ZNF507: variants seen among roughly 807,000 people sequenced by gnomAD.
ZNF507 encodes the protein zinc finger protein 507.
A neutral mutation model predicts 80.0 loss-of-function variants in ZNF507; 29 were observed. The observed-to-expected ratio is 0.36, with a 90% confidence interval of 0.27 to 0.49. The LOEUF is 0.49. ZNF507 is among the 20% of genes least tolerant of loss of function. ZNF507 has a pLI of 0.98. For missense variants in ZNF507, 1,081 were observed against 1,152.2 expected (o/e 0.94, Z 0.90); for synonymous variants, 462 against 422.5 (o/e 1.09, Z -1.15).
At chr19:32,360,653 A>G in intron 5 of ZNF507, 35 bp downstream of exon 5, 1 of 1,189,426 alleles carries the variant, frequency 8.4e-7, no homozygotes, top group Non-Finnish European at 1.2e-6. Context: ...TAATGTTTGT[A>G]TTAAAATATT....
intron 1 of ZNF507, among the ~76,000 whole-genome samples, 166 bp from the exon 2 acceptor site, chr19:32,347,079 A>C (rs1967106519): frequency 6.6e-6 from 1 of 152,176 alleles, no homozygotes; most frequent in Non-Finnish European, 1.5e-5. Context: ...TTGTTAGATA[A>C]ATTATTTAAA....
At chr19:32,348,272 G>A (rs1967120542) in intron 2 of ZNF507, among the ~76,000 whole-genome samples, 1 of 150,580 alleles carries the variant, frequency 6.6e-6, no homozygotes, top group Admixed American at 6.7e-5. Flanking sequence ...GGAAGAATGG[G>A]GAATTTATTG....
intron 2 of ZNF507, among the ~76,000 whole-genome samples, chr19:32,349,031 CAT>C (rs1211246518): frequency 2.8e-4 from 42 of 152,172 alleles, no homozygotes; most frequent in African/African-American, 9.7e-4. Flanking sequence ...CAAACCACAG[CAT>C]AATGCAGTTA....
Position 32,360,500 on chromosome 19 carries a change from C to A in ZNF507, c.2246-4C>A. ...CTACTAAAACTCTGAAATACCTTGTCTAGGGAATAAGTCTTCAGTCCAGAA... is the reference window on the plus strand; with the variant it reads ...CTACTAAAACTCTGAAATACCTTGTATAGGGAATAAGTCTTCAGTCCAGAA... On this transcript the variant is annotated splice_region_variant and splice_polypyrimidine_tract_variant and intron_variant, in intron 4 of 6. Transcript: ENST00000355898. The A allele has an allele frequency of 1.3e-6, 2 of 1,526,346 alleles. No homozygotes were observed. The highest frequency in any genetic ancestry group is 1.3e-5 in the South Asian group (1 of 77,764). The allele number at this position is 1,526,346 out of a possible 1,614,324, so 94.6% of individuals were successfully genotyped here.
At chr19:32,360,128 G>A (rs756849777) in intron 4 of ZNF507, among the ~76,000 whole-genome samples, 1 of 152,200 alleles carries the variant, frequency 6.6e-6, no homozygotes. Context: ...CAGTGTTTCT[G>A]TAAGACAGTA....
In ZNF507 at chr19:32,354,216, GA is replaced by G. The variant is rs747153604; in HGVS notation, c.1392del (p.Asp465ThrfsTer3). On this transcript the variant is annotated frameshift_variant, in exon 3 of 7. Coordinates refer to ENST00000355898, the MANE Select transcript of ZNF507 (RefSeq NM_001136156.2). LOFTEE classifies it high-confidence loss of function. ...TGATCATAGGCTGGAGCAGTTCAGA[GA>G]AAAAAGACGAGTTAATGAATAAAGG... Reference protein sequence around the residue: ...GLIIGWSSSEKKDELMNKGLA... With the variant: ...GLIIGWSSSEXKDELMNKGLA... The G allele has an allele frequency of 4.0e-5, 65 of 1,613,644 alleles. No individual in the cohort carries two copies. The highest frequency in any genetic ancestry group is 1.7e-6 in the Non-Finnish European group (2 of 1,180,010).
intron 5 of ZNF507, among the ~76,000 whole-genome samples, chr19:32,374,000 TAGTA>T: frequency 6.6e-6 from 1 of 152,326 alleles, no homozygotes; most frequent in African/African-American, 2.4e-5. Flanking sequence ...TCTGTTTACA[TAGTA>T]GACTGAAGAG....
Position 32,368,080 on chromosome 19 carries a change from A to T in ZNF507, c.2360+7462A>T, listed in dbSNP as rs34902801. On this transcript the variant is annotated intron_variant, in intron 5 of 6. Transcript: ENST00000355898. Reference sequence around the variant, plus strand: ...GGGGCCTGAACTCTTGCTCCTAATAACTGTGTCATCCTGCCTGTCTGTGCT... The same window carrying T: ...GGGGCCTGAACTCTTGCTCCTAATATCTGTGTCATCCTGCCTGTCTGTGCT... 4.9e-3 allele frequency among the ~76,000 whole-genome samples: 746 copies of T among 152,076 alleles called. 4 individuals carry two copies. The highest frequency in any genetic ancestry group is 7.7e-3 in the Admixed American group (118 of 15,278).
Position 32,354,806 on chromosome 19 carries a change from A to G in ZNF507, c.1976A>G (p.His659Arg). 6.2e-7 allele frequency: 1 copy of G among 1,614,204 alleles called. No homozygotes were observed. The highest frequency in any genetic ancestry group is 8.5e-7 in the Non-Finnish European group (1 of 1,180,038). The change falls in exon 3 of 7, where the codon CAC (histidine) becomes CGC (arginine). Residue 659 changes from histidine to arginine, a missense_variant. Physicochemically the swap from His to Arg is conservative, Grantham distance 29. This residue lies in a region of ZNF507 where 614 missense variants were observed against 583.9 expected (regional missense o/e 1.05). Coordinates refer to ENST00000355898, the MANE Select transcript of ZNF507 (RefSeq NM_001136156.2). ...TSGNKGYIKQ[H>R]LRVHRQRQPY... ...GGCAACAAGGGCTACATCAAGCAGC[A>G]CTTACGAGTCCATCGACAGAGACAG...
intron 5 of ZNF507, among the ~76,000 whole-genome samples, chr19:32,381,461 G>A (rs73565338): frequency 0.035 from 5,331 of 152,080 alleles, 310 homozygotes; most frequent in African/African-American, 0.12. Context: ...TTAGGCAGGC[G>A]TGGAAGTGCA....
chr19:32,382,578 C>G lies in ZNF507; in HGVS notation c.2472C>G (p.Asn824Lys). Residue 824 changes from asparagine (N) to lysine (K), a missense_variant, in exon 6 of 7, where the codon AAC becomes AAG. Around this residue, in one of 6 missense-constraint regions of ZNF507, gnomAD observed 138 missense variants for 158.4 expected, o/e 0.87. Transcript: ENST00000355898. ...YNYEQVNKAI[N>K]DAISQSGRVL... Reference sequence around the variant, plus strand: ...ACGAACAAGTAAACAAGGCTATTAACGACGCGATTTCACAAAGTGGCAGGT... The same window carrying G: ...ACGAACAAGTAAACAAGGCTATTAAGGACGCGATTTCACAAAGTGGCAGGT... 2.5e-6 allele frequency: 4 copies of G among 1,614,132 alleles called. No individual in the cohort carries two copies. The highest frequency in any genetic ancestry group is 3.4e-6 in the Non-Finnish European group (4 of 1,180,000).
intron 2 of ZNF507, among the ~76,000 whole-genome samples, chr19:32,348,778 C>T (rs953984595): frequency 6.6e-5 from 10 of 152,166 alleles, no homozygotes; most frequent in Non-Finnish European, 8.8e-5. Flanking sequence ...CTGTCGTCTT[C>T]TTTCCTCCTG....
rs1967679742 is a variant in ZNF507, at chr19:32,385,748, G to C, written c.*2665G>C. 6.6e-6 allele frequency: 1 copy of C among 152,150 alleles called. No homozygotes were observed. Among genetic ancestry groups the C allele is most frequent in the East Asian group, 1.9e-4 (1 of 5,188 alleles). The allele number at this position is 152,150 out of a possible 1,614,324, so 9.4% of individuals were successfully genotyped here. A position where few individuals can be genotyped will look rare whatever the true frequency, so the allele number is the denominator to read the frequency against. On this transcript the variant is annotated 3_prime_UTR_variant, in exon 7 of 7. Coordinates refer to ENST00000355898, the MANE Select transcript of ZNF507 (RefSeq NM_001136156.2). ...GAGGATCACTTGAGCCTGGGAGATAGAGGCTTGCAGTGAGCCGTGATGGCA... is the reference window on the plus strand; with the variant it reads ...GAGGATCACTTGAGCCTGGGAGATACAGGCTTGCAGTGAGCCGTGATGGCA...
chr19:32,375,206 C>T (rs1967530091), intron 5 of ZNF507, among the ~76,000 whole-genome samples: 1 of 152,156 alleles, frequency 6.6e-6, no homozygotes, highest in Non-Finnish European at 1.5e-5. Flanking sequence ...TGTCTGGAGA[C>T]ATTACTGCGT....
chr19:32,346,758 C>T (rs960593154), intron 1 of ZNF507, among the ~76,000 whole-genome samples: 3 of 152,128 alleles, frequency 2.0e-5, no homozygotes, highest in African/African-American at 7.2e-5. Context: ...GAAACAGTGG[C>T]AAAGAAATGT....
chr19:32,370,034 C>A (rs1348443854), intron 5 of ZNF507, among the ~76,000 whole-genome samples: 1 of 152,190 alleles, frequency 6.6e-6, no homozygotes, highest in African/African-American at 2.4e-5. Context: ...CCAGGGCCAT[C>A]CATGTTGTGG....
intron 5 of ZNF507, among the ~76,000 whole-genome samples, chr19:32,371,815 A>G (rs1366593528): frequency 6.6e-6 from 1 of 151,374 alleles, no homozygotes; most frequent in Non-Finnish European, 1.5e-5. Context: ...AATTTTTTAT[A>G]TTTTTAGTAG....
chr19:32,363,980 A>G (rs947576488), intron 5 of ZNF507, among the ~76,000 whole-genome samples: 4 of 152,184 alleles, frequency 2.6e-5, no homozygotes, highest in African/African-American at 9.7e-5. Flanking sequence ...TGGGAATGTT[A>G]TGCCATACTA....
chr19:32,355,008 A>G, intron 3 of ZNF507, 51 bp downstream of exon 3: 7 of 1,476,432 alleles, frequency 4.7e-6, no homozygotes, highest in Non-Finnish European at 5.4e-6. Context: ...TCTTAGAGTG[A>G]GAAGGGAACT....
Sources: gnomAD v4.1 joint callset for allele counts (sites outside exome capture counted in the v4.1 genomes callset) on GRCh38, gnomAD v4.1.1 for gene constraint, gnomAD v4.1.1 regional missense constraint, MANE v1.5 for transcripts, NCBI Gene and HGNC (gene_info 2026-07-23, HGNC 2026-07-21) for gene names.